Variants in POC1A observed in about 807,000 individuals in gnomAD.
POC1A encodes the protein POC1 centriolar protein homolog A.
Under a neutral mutation model 47.8 loss-of-function variants are expected in POC1A, and 34 were observed. The ratio of observed to expected loss-of-function variants is 0.71; its 90% confidence interval spans 0.54 to 0.95. The LOEUF (loss-of-function observed/expected upper bound fraction) is 0.95. Ranked by LOEUF, POC1A falls within the 40% of genes least tolerant of loss-of-function variation. POC1A has a pLI of 0.00. For missense variants in POC1A, 466 were observed against 528.3 expected, an observed-to-expected ratio of 0.88 and a Z score of 1.16; for synonymous variants, 177 against 207.6, an observed-to-expected ratio of 0.85 and a Z score of 1.27.
At chr3:52,139,023 G>A (rs111439059) in intron 6 of POC1A, among the ~76,000 whole-genome samples, 1,996 of 152,178 alleles carry the variant, frequency 0.013, 38 homozygotes, top group African/African-American at 0.042. Context: ...GTAGAGATGG[G>A]GTTTCACCAT....
chr3:52,124,909 C>A (rs1703937847), intron 8 of POC1A, among the ~76,000 whole-genome samples: 1 of 152,190 alleles, frequency 6.6e-6, no homozygotes. Context: ...GAGGTCGGCA[C>A]CTGCAGGAGG....
In POC1A at chr3:52,147,041, C is replaced by T. The variant is rs774687494; in HGVS notation, c.510G>A (p.Lys170=). The T allele has an allele frequency of 1.5e-5, 24 of 1,614,090 alleles. No individual in the cohort carries two copies. In the East Asian group the frequency reaches 4.7e-4, roughly 31 times the overall value. Residue 170 remains lysine (K), a synonymous_variant, in exon 5 of 11, where the codon AAG becomes AAA. Transcript: ENST00000296484. ...IVSASDDKTV[K]LWDKSSRECV... is the part of the protein sequence containing the mutation. Reference sequence around the variant, plus strand: ...ATTCCCGGCTGCTCTTGTCCCACAGCTTAACAGTCTTGTCATCACTGGCAG... The same window carrying T: ...ATTCCCGGCTGCTCTTGTCCCACAGTTTAACAGTCTTGTCATCACTGGCAG...
At position 52,146,997 on chromosome 3, in the gene POC1A, T is replaced by G. The variant is rs1437778143; in HGVS notation, c.554A>C (p.Glu185Ala). The G allele has an allele frequency of 6.2e-7, 1 of 1,613,704 alleles. No homozygotes were observed. The highest frequency in any genetic ancestry group is 1.1e-5 in the South Asian group (1 of 91,068). ...GCATCTGGGGACTCACCCGCCATGC[T>G]CACAATACGAGTGGACACATTCCCG... is the stretch of plus-strand genomic sequence containing the variant. ...SSRECVHSYC[E>A]HGGFVTYVDF... The change falls in exon 5 of 11, where the codon GAG (glutamate) becomes GCG (alanine). Residue 185 changes from glutamate to alanine, a missense_variant. Transcript: ENST00000296484.
chr3:52,084,348 G>A lies in POC1A; in HGVS notation c.1126-8363C>T, dbSNP rs1165657550. On this transcript the variant is annotated intron_variant, in intron 10 of 10. Coordinates refer to ENST00000296484, the MANE Select transcript of POC1A (RefSeq NM_015426.5). This position sits in a 1 kb window ranked among gnomAD's most constrained non-coding sequence, Gnocchi z 4.3. ...ATGGGCAAACATGGCAGGGAAGCTG[G>A]AGCCGTAACTTCTCCAAAACTGAGG... is the stretch of plus-strand genomic sequence containing the variant. Among the ~76,000 whole-genome samples the A allele has an allele frequency of 6.6e-6, 1 of 152,174 alleles. No individual in the cohort carries two copies. Among genetic ancestry groups the A allele is most frequent in the Non-Finnish European group, 1.5e-5 (1 of 68,044 alleles).
chr3:52,122,373 A>G lies in POC1A; in HGVS notation c.981+6T>C, dbSNP rs756075702. ...GAGCTCAGGACATGCCTGCCAAGCCACTTACCAGATTCCCCATGGAGCTGG... is the reference window on the plus strand; with the variant it reads ...GAGCTCAGGACATGCCTGCCAAGCCGCTTACCAGATTCCCCATGGAGCTGG... On this transcript the variant is annotated splice_donor_region_variant and intron_variant, in intron 9 of 10. Coordinates refer to ENST00000296484, the MANE Select transcript of POC1A (RefSeq NM_015426.5). 1 of 1,567,226 alleles carries G rather than the reference A, an allele frequency of 6.4e-7. No individual in the cohort carries two copies. Among genetic ancestry groups the G allele is most frequent in the South Asian group, 1.1e-5 (1 of 90,110 alleles).
chr3:52,151,244 C>T (rs768328162), intron 1 of POC1A, 144 bp from the exon 2 acceptor site: 93 of 1,184,224 alleles, frequency 7.9e-5, no homozygotes, highest in Non-Finnish European at 9.9e-5. Flanking sequence ...CTAAGGAATC[C>T]ACTTAGGATT....
chr3:52,125,113 T>C lies in POC1A; in HGVS notation c.882A>G (p.Gln294=). 2.5e-6 allele frequency: 4 copies of C among 1,607,542 alleles called. No homozygotes were observed. Reference sequence around the variant, plus strand: ...TTCCATTCGACTACTCTTTACTTACTTGTTCATCAGAGCCTCCAGAAGCAA... The same window carrying C: ...TTCCATTCGACTACTCTTTACTTACCTGTTCATCAGAGCCTCCAGAAGCAA... ...EYFASGGSDE[Q]VMVWKSNFDI... Residue 294 remains glutamine, a splice_region_variant and synonymous_variant, in exon 8 of 11, where the codon CAA becomes CAG. Coordinates refer to ENST00000296484, the MANE Select transcript of POC1A (RefSeq NM_015426.5).
chr3:52,150,941 C>A, intron 2 of POC1A, 75 bp downstream of exon 2: 3 of 1,347,522 alleles, frequency 2.2e-6, no homozygotes, highest in Non-Finnish European at 3.2e-6. Context: ...TGCTTCCCAC[C>A]CACCACCCCT....
intron 7 of POC1A, among the ~76,000 whole-genome samples, chr3:52,129,474 C>T (rs1432336410): frequency 1.3e-5 from 2 of 152,160 alleles, no homozygotes; most frequent in African/African-American, 4.8e-5. Context: ...CCAAGTCCAT[C>T]CTCTCCAAAG....
intron 7 of POC1A, among the ~76,000 whole-genome samples, chr3:52,130,049 T>G (rs901550963): frequency 6.6e-6 from 1 of 152,060 alleles, no homozygotes; most frequent in Non-Finnish European, 1.5e-5. Context: ...CTCCTCACCT[T>G]CTCCCGCCTG....
At chr3:52,089,611 C>T (rs1366688514) in intron 10 of POC1A, among the ~76,000 whole-genome samples, 1 of 152,134 alleles carries the variant, frequency 6.6e-6, no homozygotes, top group Non-Finnish European at 1.5e-5. Context: ...CCACCACCAC[C>T]CTTATGGCCC....
intron 7 of POC1A, among the ~76,000 whole-genome samples, chr3:52,133,285 G>T (rs2107139680): frequency 6.6e-6 from 1 of 152,274 alleles, no homozygotes; most frequent in South Asian, 2.1e-4. Context: ...GCAGAGGGCA[G>T]CCTTCCCCAA....
At chr3:52,147,391 C>T (rs1331502489) in intron 4 of POC1A, among the ~76,000 whole-genome samples, 2 of 151,796 alleles carry the variant, frequency 1.3e-5, no homozygotes, top group Non-Finnish European at 2.9e-5. Context: ...TTCTTTTTTC[C>T]TTCTGAAGAG....
intron 2 of POC1A, 65 bp from the exon 3 acceptor site, chr3:52,150,052 T>G (rs1698507228): frequency 7.0e-7 from 1 of 1,424,268 alleles, no homozygotes; most frequent in Admixed American, 2.0e-5. Context: ...ACCAAGACAT[T>G]GGAGAGGCAG....
chr3:52,154,256 C>A, intron 1 of POC1A, 99 bp downstream of exon 1: 2 of 1,305,588 alleles, frequency 1.5e-6, no homozygotes, highest in South Asian at 2.6e-5. Flanking sequence ...TGGAACCTGG[C>A]GCCCCGCCCG....
Position 52,079,021 on chromosome 3 carries a change from G to A in POC1A, c.1126-3036C>T, listed in dbSNP as rs1702203479. On this transcript the variant is annotated intron_variant, in intron 10 of 10. Coordinates refer to ENST00000296484, the MANE Select transcript of POC1A (RefSeq NM_015426.5). This position sits in a 1 kb window ranked among gnomAD's most constrained non-coding sequence, Gnocchi z 4.6. ...CAGGACAGGCCATCACAGTGCCACC[G>A]TGCTTCCCCAGCTGCACGGGAGCTG... Among the ~76,000 whole-genome samples the A allele has an allele frequency of 2.0e-5, 3 of 152,210 alleles. No homozygotes were observed. Among genetic ancestry groups the A allele is most frequent in the Admixed American group, 2.0e-4 (3 of 15,292 alleles).
chr3:52,099,468 A>C (rs1445847582), intron 9 of POC1A, among the ~76,000 whole-genome samples: 3 of 152,252 alleles, frequency 2.0e-5, no homozygotes, highest in Non-Finnish European at 4.4e-5. Context: ...ATTTAAATGC[A>C]AAAGTCACAT....
chr3:52,097,684 G>A (rs1285731165), intron 9 of POC1A, among the ~76,000 whole-genome samples: 2 of 152,130 alleles, frequency 1.3e-5, no homozygotes, highest in East Asian at 3.8e-4. Flanking sequence ...AACTTTCAAG[G>A]GCATGCTGAT....
At chr3:52,096,112 C>T (rs1019721277) in intron 10 of POC1A, among the ~76,000 whole-genome samples, 3 of 152,230 alleles carry the variant, frequency 2.0e-5, no homozygotes, top group African/African-American at 7.2e-5. Context: ...ATAAACATAC[C>T]AGGGCTTGGT....
Sources: gnomAD v4.1 joint callset for allele counts (sites outside exome capture counted in the v4.1 genomes callset) on GRCh38, gnomAD v4.1.1 for gene constraint, Gnocchi (gnomAD v3.1) non-coding constraint, MANE v1.5 for transcripts, NCBI Gene and HGNC (gene_info 2026-07-23, HGNC 2026-07-21) for gene names.